Variants in TSSK6 observed in about 807,000 individuals in gnomAD.
TSSK6 encodes testis specific serine kinase 6, also known as testis-specific serine/threonine-protein kinase 6.
TSSK6 carries 9 observed loss-of-function variants against 8.5 expected under a neutral mutation model. The observed-to-expected ratio is 1.06, with a 90% CI of 0.64 to 1.85. TSSK6 has a LOEUF of 1.85. Ranked by LOEUF, TSSK6 falls within the 40% of genes most tolerant of loss-of-function variation. The pLI is 0.00. For missense variants in TSSK6, 311 were observed against 391.5 expected, an observed-to-expected ratio of 0.79 and a Z score of 1.73; for synonymous variants, 202 against 182.4, an observed-to-expected ratio of 1.11 and a Z score of -0.86.
At position 19,514,566 on chromosome 19, in the gene TSSK6, A is replaced by C. The variant is rs926886967; in HGVS notation, c.*40T>G. The C allele has an allele frequency of 1.3e-6, 2 of 1,487,864 alleles. No homozygotes were observed. Among genetic ancestry groups the C allele is most frequent in the African/African-American group, 1.4e-5 (1 of 71,612 alleles). 92.2% of individuals were successfully genotyped at this position (1,487,864 alleles called of 1,614,324 possible). A position where few individuals can be genotyped will look rare whatever the true frequency, so the allele number is the denominator to read the frequency against. On this transcript the variant is annotated 3_prime_UTR_variant, in exon 1 of 1. Transcript: ENST00000585580. ...TCTTGCGCGTGCGCCGCCCTGGCCC[A>C]GTGCCCTTGGCTGCAGGAATGGCTG...
Position 19,515,509 on chromosome 19 carries a change from G to A in TSSK6, c.-82C>T, listed in dbSNP as rs1479084926. ...ACTCCAATCTCGGGTCTAAGCCATGGCGCTTGGCACCTACACCCCCGCACC... is the reference window on the plus strand; with the variant it reads ...ACTCCAATCTCGGGTCTAAGCCATGACGCTTGGCACCTACACCCCCGCACC... On this transcript the variant is annotated 5_prime_UTR_variant, in exon 1 of 1. Transcript: ENST00000585580. The A allele has an allele frequency of 3.7e-6, 5 of 1,352,820 alleles. No homozygotes were observed. In the Admixed American group the frequency reaches 1.1e-4, roughly 29 times the overall value. The allele number at this position is 1,352,820 out of a possible 1,614,324, so 83.8% of individuals were successfully genotyped here. A position where few individuals can be genotyped will look rare whatever the true frequency, so the allele number is the denominator to read the frequency against.
chr19:19,514,516 T>G lies in TSSK6; in HGVS notation c.*90A>C. 1 of 1,234,958 alleles carries G rather than the reference T, an allele frequency of 8.1e-7. No individual in the cohort carries two copies. The highest frequency in any genetic ancestry group is 1.6e-5 in the South Asian group (1 of 63,836). The allele number at this position is 1,234,958 out of a possible 1,614,324, so 76.5% of individuals were successfully genotyped here. Reference sequence around the variant, plus strand: ...CGCATGTGCAGCAGCACGCGGCAGCTTCGCATATTCCCTCGAAGCGCGCCT... The same window carrying G: ...CGCATGTGCAGCAGCACGCGGCAGCGTCGCATATTCCCTCGAAGCGCGCCT... On this transcript the variant is annotated 3_prime_UTR_variant, in exon 1 of 1. Coordinates refer to ENST00000585580, the MANE Select transcript of TSSK6 (RefSeq NM_032037.4).
chr19:19,514,916 T>A lies in TSSK6; in HGVS notation c.512A>T (p.Tyr171Phe). ...TGACGCGTAGGCGGCTGAGCCGCAGTAGGTGGTGCTCAGGTCTGGGTAGCC... is the reference window on the plus strand; with the variant it reads ...TGACGCGTAGGCGGCTGAGCCGCAGAAGGTGGTGCTCAGGTCTGGGTAGCC... ...AHGYPDLSTT[Y>F]CGSAAYASPE... The change falls in exon 1 of 1, where the codon TAC (tyrosine) becomes TTC (phenylalanine). Residue 171 changes from tyrosine to phenylalanine, a missense_variant. Physicochemically the swap from Tyr to Phe is conservative, Grantham distance 22. Transcript: ENST00000585580. 2 of 1,603,588 alleles carry A rather than the reference T, an allele frequency of 1.2e-6. No homozygotes were observed. The highest frequency in any genetic ancestry group is 1.7e-6 in the Non-Finnish European group (2 of 1,177,014).
In TSSK6 at chr19:19,514,563, C is replaced by T. The variant is rs1436059514; in HGVS notation, c.*43G>A. The T allele has an allele frequency of 6.8e-7, 1 of 1,480,864 alleles. No individual in the cohort carries two copies. The highest frequency in any genetic ancestry group is 2.4e-5 in the East Asian group (1 of 40,900). 91.7% of individuals were successfully genotyped at this position (1,480,864 alleles called of 1,614,324 possible). On this transcript the variant is annotated 3_prime_UTR_variant, in exon 1 of 1. Coordinates refer to ENST00000585580, the MANE Select transcript of TSSK6 (RefSeq NM_032037.4). ...GCCTCTTGCGCGTGCGCCGCCCTGG[C>T]CCAGTGCCCTTGGCTGCAGGAATGG...
At position 19,514,810 on chromosome 19, in the gene TSSK6, G is replaced by A; in HGVS notation, c.618C>T (p.Val206=). The change falls in exon 1 of 1, where the codon GTC becomes GTT. Residue 206 remains valine, a synonymous_variant. Transcript: ENST00000585580. ...AGTCGTCGAAGGGCATGCACCCGGT[G>A]ACCATGACGTAGAGCACGACGCCCA... ...WSMGVVLYVM[V]TGCMPFDDSD... 3 of 1,600,962 alleles carry A rather than the reference G, an allele frequency of 1.9e-6. No homozygotes were observed. Among genetic ancestry groups the A allele is most frequent in the African/African-American group, 1.3e-5 (1 of 75,022 alleles).
Position 19,514,573 on chromosome 19 carries a change from T to C in TSSK6, c.*33A>G. ...CGTGCGCCGCCCTGGCCCAGTGCCCTTGGCTGCAGGAATGGCTGGAACCAC... is the reference window on the plus strand; with the variant it reads ...CGTGCGCCGCCCTGGCCCAGTGCCCCTGGCTGCAGGAATGGCTGGAACCAC... On this transcript the variant is annotated 3_prime_UTR_variant, in exon 1 of 1. Coordinates refer to ENST00000585580, the MANE Select transcript of TSSK6 (RefSeq NM_032037.4). The C allele has an allele frequency of 6.6e-7, 1 of 1,509,702 alleles. No individual in the cohort carries two copies. Among genetic ancestry groups the C allele is most frequent in the Admixed American group, 2.2e-5 (1 of 46,418 alleles). The allele number at this position is 1,509,702 out of a possible 1,614,324, so 93.5% of individuals were successfully genotyped here.
Position 19,515,254 on chromosome 19 carries a change from C to A in TSSK6, c.174G>T (p.Pro58=). 1 of 1,613,432 alleles carries A rather than the reference C, an allele frequency of 6.2e-7. No individual in the cohort carries two copies. The highest frequency in any genetic ancestry group is 8.5e-7 in the Non-Finnish European group (1 of 1,179,984). ...CGCCCCGCAGGATGGACAGCTCTCGCGGCAGGAACTTGTTGACGAAGTCCG... is the reference window on the plus strand; with the variant it reads ...CGCCCCGCAGGATGGACAGCTCTCGAGGCAGGAACTTGTTGACGAAGTCCG... ...APPDFVNKFL[P]RELSILRGVR... The change falls in exon 1 of 1, where the codon CCG becomes CCT. Residue 58 remains proline, a synonymous_variant. Transcript: ENST00000585580.
In TSSK6 at chr19:19,514,492, G is replaced by T. The variant is rs1337043120; in HGVS notation, c.*114C>A. ...GGGAGGGAAGCGGAAGGGAAAAAGC[G>T]CATGTGCAGCAGCACGCGGCAGCTT... On this transcript the variant is annotated 3_prime_UTR_variant, in exon 1 of 1. Coordinates refer to ENST00000585580, the MANE Select transcript of TSSK6 (RefSeq NM_032037.4). 11 of 1,014,924 alleles carry T rather than the reference G, an allele frequency of 1.1e-5. No individual in the cohort carries two copies. Among genetic ancestry groups the T allele is most frequent in the Non-Finnish European group, 1.5e-5 (11 of 719,738 alleles). 62.9% of individuals were successfully genotyped at this position (1,014,924 alleles called of 1,614,324 possible).
chr19:19,515,152 C>A lies in TSSK6; in HGVS notation c.276G>T (p.Ala92=). 6.2e-7 allele frequency: 1 copy of A among 1,606,128 alleles called. No homozygotes were observed. Among genetic ancestry groups the A allele is most frequent in the African/African-American group, 1.3e-5 (1 of 75,060 alleles). Residue 92 remains alanine (A), a synonymous_variant, in exon 1 of 1, where the codon GCG becomes GCT. Transcript: ENST00000585580. The part of the protein sequence containing the change: ...CNGKLYIVME[A]AATDLLQAVQ... ...CGGCTTGCAGCAGGTCGGTGGCGGC[C>A]GCTTCCATCACGATGTACAGTTTCC...
chr19:19,515,421 C>T lies in TSSK6; in HGVS notation c.7G>A (p.Gly3Arg). 1 of 1,590,044 alleles carries T rather than the reference C, an allele frequency of 6.3e-7. No homozygotes were observed. Among genetic ancestry groups the T allele is most frequent in the South Asian group, 1.1e-5 (1 of 88,560 alleles). Residue 3 changes from glycine (G) to arginine (R), a missense_variant, in exon 1 of 1, where the codon GGA becomes AGA. Physicochemically the swap from Gly to Arg is moderately radical, Grantham distance 125. Transcript: ENST00000585580. The stretch of plus-strand genomic sequence containing the variant: ...CCGAGTTCGCTCAGAAGTTTGTCTC[C>T]CGACATGGTGGCGCCTAGGGCGCAC... The part of the protein sequence containing the change: MS[G>R]DKLLSELGYK...
Position 19,514,392 on chromosome 19 carries a change from C to T in TSSK6, c.*214G>A. ...TCGCAGGGAATCGCGGATGCGCATG[C>T]GCCTCCAGCTCCCGGGATCGCGGGG... On this transcript the variant is annotated 3_prime_UTR_variant, in exon 1 of 1. Coordinates refer to ENST00000585580, the MANE Select transcript of TSSK6 (RefSeq NM_032037.4). The T allele has an allele frequency of 1.7e-6, 1 of 586,424 alleles. No homozygotes were observed. Among genetic ancestry groups the T allele is most frequent in the Non-Finnish European group, 3.0e-6 (1 of 335,678 alleles). 36.3% of individuals were successfully genotyped at this position (586,424 alleles called of 1,614,324 possible). A position where few individuals can be genotyped will look rare whatever the true frequency, so the allele number is the denominator to read the frequency against.
rs772969010 is a variant in TSSK6, at chr19:19,514,873, G to A, written c.555C>T (p.Gly185=). ...AAYASPEVLL[G]IPYDPKKYDV... is the part of the protein sequence containing the mutation. Reference sequence around the variant, plus strand: ...CGTACTTCTTGGGGTCGTAGGGGATGCCCAGGAGCACCTCGGGTGACGCGT... The same window carrying A: ...CGTACTTCTTGGGGTCGTAGGGGATACCCAGGAGCACCTCGGGTGACGCGT... Residue 185 remains glycine, a synonymous_variant, in exon 1 of 1, where the codon GGC becomes GGT. Coordinates refer to ENST00000585580, the MANE Select transcript of TSSK6 (RefSeq NM_032037.4). 3 of 1,600,702 alleles carry A rather than the reference G, an allele frequency of 1.9e-6. No homozygotes were observed. Among genetic ancestry groups the A allele is most frequent in the Non-Finnish European group, 2.5e-6 (3 of 1,178,520 alleles).
chr19:19,514,457 T>G lies in TSSK6; in HGVS notation c.*149A>C. 26 of 771,968 alleles carry G rather than the reference T, an allele frequency of 3.4e-5. No homozygotes were observed. Among genetic ancestry groups the G allele is most frequent in the Non-Finnish European group, 4.8e-5 (24 of 500,124 alleles). 47.8% of individuals were successfully genotyped at this position (771,968 alleles called of 1,614,324 possible). A position where few individuals can be genotyped will look rare whatever the true frequency, so the allele number is the denominator to read the frequency against. ...ACAAGGGCAACTGCGGACTCCCCCG[T>G]GGGAAGAAAGGGAGGGAAGCGGAAG... On this transcript the variant is annotated 3_prime_UTR_variant, in exon 1 of 1. Coordinates refer to ENST00000585580, the MANE Select transcript of TSSK6 (RefSeq NM_032037.4).
Position 19,514,590 on chromosome 19 carries a change from T to C in TSSK6, c.*16A>G, listed in dbSNP as rs1234465083. On this transcript the variant is annotated 3_prime_UTR_variant, in exon 1 of 1. Coordinates refer to ENST00000585580, the MANE Select transcript of TSSK6 (RefSeq NM_032037.4). ...CAGTGCCCTTGGCTGCAGGAATGGC[T>C]GGAACCACCCGGCTTCTAGCCGGAG... 2 of 1,546,570 alleles carry C rather than the reference T, an allele frequency of 1.3e-6. No individual in the cohort carries two copies. The highest frequency in any genetic ancestry group is 1.4e-5 in the African/African-American group (1 of 73,482).
In TSSK6 at chr19:19,514,272, G is replaced by C. The variant is rs897803486; in HGVS notation, c.*334C>G. ...TCCAACCGGGAACCTGGCACCCACG[G>C]CTGGTTGGGAAGGGACGCCCTCCGC... On this transcript the variant is annotated 3_prime_UTR_variant, in exon 1 of 1. Coordinates refer to ENST00000585580, the MANE Select transcript of TSSK6 (RefSeq NM_032037.4). The C allele has an allele frequency of 1.9e-5, 6 of 318,282 alleles. No individual in the cohort carries two copies. The highest frequency in any genetic ancestry group is 8.7e-5 in the African/African-American group (4 of 46,168). 19.7% of individuals were successfully genotyped at this position (318,282 alleles called of 1,614,324 possible). A position where few individuals can be genotyped will look rare whatever the true frequency, so the allele number is the denominator to read the frequency against.
At position 19,514,475 on chromosome 19, in the gene TSSK6, A is replaced by G. The variant is rs966927520; in HGVS notation, c.*131T>C. 5 of 865,210 alleles carry G rather than the reference A, an allele frequency of 5.8e-6. No homozygotes were observed. Among genetic ancestry groups the G allele is most frequent in the East Asian group, 5.5e-5 (2 of 36,588 alleles). 53.6% of individuals were successfully genotyped at this position (865,210 alleles called of 1,614,324 possible). ...TCCCCCGTGGGAAGAAAGGGAGGGA[A>G]GCGGAAGGGAAAAAGCGCATGTGCA... On this transcript the variant is annotated 3_prime_UTR_variant, in exon 1 of 1. Coordinates refer to ENST00000585580, the MANE Select transcript of TSSK6 (RefSeq NM_032037.4).
chr19:19,514,979 A>T lies in TSSK6; in HGVS notation c.449T>A (p.Val150Asp). 6.2e-7 allele frequency: 1 copy of T among 1,606,290 alleles called. No homozygotes were observed. Among genetic ancestry groups the T allele is most frequent in the Non-Finnish European group, 8.5e-7 (1 of 1,175,944 alleles). ...NVLLSPDERR[V>D]KLTDFGFGRQ... ...GCCGAAGCCGAAGTCGGTGAGCTTG[A>T]CGCGGCGCTCGTCCGGGCTCAGCAG... The change falls in exon 1 of 1, where the codon GTC becomes GAC. Residue 150 changes from valine (V) to aspartate (D), a missense_variant. Physicochemically the swap from Val to Asp is radical, Grantham distance 152. Transcript: ENST00000585580.
rs1568355765 is a variant in TSSK6, at chr19:19,515,108, A to C, written c.320T>G (p.Ile107Ser). ...GAGGTCGCGCGCCTGAACTCCGGGG[A>C]TGCGCCCGTTGCGCTGCACGGCTTG... ...LLQAVQRNGR[I>S]PGVQARDLFA... The change falls in exon 1 of 1, where the codon ATC becomes AGC. Residue 107 changes from isoleucine to serine, a missense_variant. Ile to Ser is a moderately radical substitution (Grantham distance 142). Transcript: ENST00000585580. The C allele has an allele frequency of 1.2e-6, 2 of 1,604,782 alleles. No homozygotes were observed. The highest frequency in any genetic ancestry group is 1.7e-6 in the Non-Finnish European group (2 of 1,177,672).
In TSSK6 at chr19:19,515,035, C is replaced by G. The variant is rs2061039450; in HGVS notation, c.393G>C (p.Leu131=). 1 of 1,610,970 alleles carries G rather than the reference C, an allele frequency of 6.2e-7. No individual in the cohort carries two copies. The highest frequency in any genetic ancestry group is 8.5e-7 in the Non-Finnish European group (1 of 1,178,930). ...GAVRYLHDHH[L]VHRDLKCENV... ...TTTCGCACTTGAGGTCGCGGTGCAC[C>G]AGGTGATGATCGTGCAGGTAGCGCA... Residue 131 remains leucine, a synonymous_variant, in exon 1 of 1, where the codon CTG becomes CTC. Transcript: ENST00000585580.
Sources: allele counts gnomAD v4.1 joint callset, GRCh38; gene constraint gnomAD v4.1.1; transcripts MANE v1.5; gene names NCBI Gene and HGNC (gene_info 2026-07-23, HGNC 2026-07-21).